Variants in CRCP observed in about 807,000 individuals in gnomAD.
CRCP encodes DNA-directed RNA polymerase III subunit RPC9.
A neutral mutation model predicts 18.5 loss-of-function variants in CRCP; 18 were observed. The observed-to-expected ratio is 0.97, with a 90% CI of 0.67 to 1.44. CRCP has a LOEUF of 1.44. Among genes scored for constraint, CRCP ranks in the 40% most tolerant of loss-of-function variants. The pLI is 0.00. For synonymous variants in CRCP, 53 were observed against 62.9 expected (o/e 0.84, Z 0.75); for missense variants, 130 against 176.4 (o/e 0.74, Z 1.49).
At chr7:66,130,959 T>C (rs1787783677) in intron 3 of CRCP, 117 bp downstream of exon 3, 4 of 658,900 alleles carry the variant, frequency 6.1e-6, no homozygotes, top group Non-Finnish European at 8.2e-6. Context: ...AATGTTTTAT[T>C]CTAACCTGAT....
At position 66,114,995 on chromosome 7, in the gene CRCP, T is replaced by C. The variant is rs1371958990; in HGVS notation, c.8+25T>C. ...TGTAAGTCTTCTCGGGCGCGTCCCT[T>C]TTCGCCCGAGGAGCCCAACGGTTTG... On this transcript the variant is annotated intron_variant, in intron 1 of 5. Coordinates refer to ENST00000395326, the MANE Select transcript of CRCP (RefSeq NM_014478.5). The C allele has an allele frequency of 2.5e-6, 4 of 1,606,312 alleles. No homozygotes were observed. In the South Asian group the frequency reaches 4.4e-5, roughly 18 times the overall value.
rs1788554848 is a variant in CRCP at position 66,154,404 on chromosome 7, C to G, written c.*2047C>G. Reference sequence around the variant, plus strand: ...ATTGGCCAGGCTAGTCGTAATGTCTCTTTTTAACACTGAATATGTTAGGTG... The same window carrying G: ...ATTGGCCAGGCTAGTCGTAATGTCTGTTTTTAACACTGAATATGTTAGGTG... On this transcript the variant is annotated 3_prime_UTR_variant, in exon 6 of 6. Transcript: ENST00000395326. 6.6e-6 allele frequency: 1 copy of G among 151,686 alleles called. No individual in the cohort carries two copies. The highest frequency in any genetic ancestry group is 2.4e-5 in the African/African-American group (1 of 41,328). The allele number at this position is 151,686 out of a possible 1,614,324, so 9.4% of individuals were successfully genotyped here.
In CRCP at chr7:66,145,505, G is replaced by A. The variant is rs375606968; in HGVS notation, c.297+5G>A. On this transcript the variant is annotated splice_donor_5th_base_variant and intron_variant, in intron 5 of 5. Coordinates refer to ENST00000395326, the MANE Select transcript of CRCP (RefSeq NM_014478.5). The stretch of plus-strand genomic sequence containing the variant: ...ACTGCTGTGGAGATCCAGCTGGTGA[G>A]TGAAGGGCGCCTGTGCTGGGGAGGC... 5.6e-6 allele frequency: 9 copies of A among 1,613,826 alleles called. No homozygotes were observed. In the African/African-American group the frequency reaches 1.1e-4, roughly 19 times the overall value.
At chr7:66,129,311 C>T (rs1394937250) in intron 2 of CRCP, among the ~76,000 whole-genome samples, 8 of 151,930 alleles carry the variant, frequency 5.3e-5, no homozygotes, top group Admixed American at 1.3e-4. Flanking sequence ...CCAGCCTGGG[C>T]GACAGCGAGA....
chr7:66,140,311 C>T lies in CRCP; in HGVS notation c.240-5132C>T, dbSNP rs541733314. 7.9e-5 allele frequency among the ~76,000 whole-genome samples: 12 copies of T among 152,320 alleles called. No individual in the cohort carries two copies. In the South Asian group the frequency reaches 2.5e-3, roughly 32 times the overall value. The stretch of plus-strand genomic sequence containing the variant: ...CCAAATGGTTCTCAGGTTTTGTTTC[C>T]CTCCCAGACCACCTGCTTTTGTTTG... On this transcript the variant is annotated intron_variant, in intron 4 of 5. Coordinates refer to ENST00000395326, the MANE Select transcript of CRCP (RefSeq NM_014478.5).
chr7:66,122,210 C>T (rs1036487706), intron 1 of CRCP, among the ~76,000 whole-genome samples: 8 of 152,094 alleles, frequency 5.3e-5, no homozygotes, highest in African/African-American at 1.9e-4. Flanking sequence ...CCCATCTCTA[C>T]TAAAAATACA....
At chr7:66,149,699 A>G (rs1227007949) in intron 5 of CRCP, among the ~76,000 whole-genome samples, 1 of 152,206 alleles carries the variant, frequency 6.6e-6, no homozygotes, top group Non-Finnish European at 1.5e-5. Context: ...AAGCTGCATT[A>G]AACTAAATGA....
rs1330770647 is a variant in CRCP, at chr7:66,114,855, C to T, written c.-108C>T. 1 of 1,599,976 alleles carries T rather than the reference C, an allele frequency of 6.3e-7. No individual in the cohort carries two copies. The highest frequency in any genetic ancestry group is 1.3e-5 in the African/African-American group (1 of 74,596). Reference sequence around the variant, plus strand: ...TGCAGCGCGGCGATCCCGGCGAGCACCTTGGCGCGCGGAGCTGGCACCTTG... The same window carrying T: ...TGCAGCGCGGCGATCCCGGCGAGCATCTTGGCGCGCGGAGCTGGCACCTTG... On this transcript the variant is annotated 5_prime_UTR_variant, in exon 1 of 6. Coordinates refer to ENST00000395326, the MANE Select transcript of CRCP (RefSeq NM_014478.5).
intron 4 of CRCP, among the ~76,000 whole-genome samples, chr7:66,142,133 G>A (rs200498827): frequency 1.8e-4 from 27 of 152,194 alleles, no homozygotes; most frequent in East Asian, 1.2e-3. Context: ...AAAACTAACC[G>A]GAATGAACTC....
chr7:66,128,792 G>A (rs1008523260), intron 2 of CRCP: 9 of 152,104 alleles, frequency 5.9e-5, no homozygotes, highest in African/African-American at 2.2e-4. Flanking sequence ...CCTCCTATTT[G>A]GCACTAGCAA....
At chr7:66,146,930 CAT>C (rs1788315418) in intron 5 of CRCP, among the ~76,000 whole-genome samples, 2 of 152,340 alleles carry the variant, frequency 1.3e-5, no homozygotes, top group African/African-American at 2.4e-5. Flanking sequence ...TAATCAGCAA[CAT>C]ATGTTACTCA....
At chr7:66,134,130 G>T in intron 3 of CRCP, 150 bp from the exon 4 acceptor site, 1 of 594,696 alleles carries the variant, frequency 1.7e-6, no homozygotes. Flanking sequence ...AAAGTGCTGG[G>T]ATTACAGGTG....
intron 5 of CRCP, among the ~76,000 whole-genome samples, chr7:66,148,756 C>T (rs1788371902): frequency 6.6e-6 from 1 of 152,230 alleles, no homozygotes; most frequent in Admixed American, 6.5e-5. Context: ...AACAGCACTA[C>T]CATCTAGGCC....
intron 5 of CRCP, among the ~76,000 whole-genome samples, chr7:66,147,203 A>T (rs1788323897): frequency 6.6e-6 from 1 of 152,108 alleles, no homozygotes; most frequent in East Asian, 1.9e-4. Flanking sequence ...TTAGCTGGGC[A>T]TGATGGTGCA....
At chr7:66,119,373 G>A (rs942366897) in intron 1 of CRCP, among the ~76,000 whole-genome samples, 1 of 152,168 alleles carries the variant, frequency 6.6e-6, no homozygotes, top group Non-Finnish European at 1.5e-5. Context: ...AAATAAACCA[G>A]TAAACCTAAG....
intron 4 of CRCP, among the ~76,000 whole-genome samples, chr7:66,138,868 T>C (rs1221343505): frequency 9.2e-6 from 1 of 109,088 alleles, no homozygotes; most frequent in Non-Finnish European, 1.9e-5. Flanking sequence ...GATAATGATA[T>C]ATTTCAGCTT....
At chr7:66,126,119 A>C (rs1787610206) in intron 1 of CRCP, among the ~76,000 whole-genome samples, 1 of 149,558 alleles carries the variant, frequency 6.7e-6, no homozygotes, top group Non-Finnish European at 1.5e-5. Flanking sequence ...ACTTTTGTGA[A>C]ATCGTAGCTT....
chr7:66,129,249 C>T (rs1034622326), intron 2 of CRCP, among the ~76,000 whole-genome samples: 3 of 152,166 alleles, frequency 2.0e-5, no homozygotes, highest in Non-Finnish European at 2.9e-5. Flanking sequence ...AGGAGAATGG[C>T]GTGAACCCGG....
intron 1 of CRCP, among the ~76,000 whole-genome samples, chr7:66,125,824 A>AT (rs1364346820): frequency 6.7e-6 from 1 of 148,826 alleles, no homozygotes; most frequent in Admixed American, 6.7e-5. Context: ...AAACATTCAT[A>AT]TTTTTTCTCG....
Sources: allele counts gnomAD v4.1 joint callset (sites outside exome capture counted in the v4.1 genomes callset), GRCh38; gene constraint gnomAD v4.1.1; transcripts MANE v1.5; gene names NCBI Gene and HGNC (gene_info 2026-07-23, HGNC 2026-07-21).